SMG6: variants seen among roughly 807,000 people sequenced by gnomAD.
The protein encoded by SMG6 is SMG6 nonsense mediated mRNA decay factor.
In SMG6, 66 loss-of-function variants were observed where a neutral mutation model predicts 142.2. The observed-to-expected ratio is 0.46, with a 90% CI of 0.38 to 0.57. The LOEUF (loss-of-function observed/expected upper bound fraction) is 0.57. Ranked by LOEUF, SMG6 falls within the 20% of genes least tolerant of loss-of-function variation. The pLI, the probability that SMG6 is intolerant of heterozygous loss-of-function variation, is 0.00. For synonymous variants in SMG6, 779 were observed against 702.4 expected, an observed-to-expected ratio of 1.11 and a Z score of -1.72; for missense variants, 1,793 against 1,832.0, an observed-to-expected ratio of 0.98 and a Z score of 0.39.
intron 12 of SMG6, among the ~76,000 whole-genome samples, chr17:2,181,937 G>A (rs1007614507): frequency 1.3e-5 from 2 of 152,242 alleles, no homozygotes; most frequent in Non-Finnish European, 2.9e-5. Context: ...GATGAAGGGA[G>A]ACATGCTGCG....
At chr17:2,095,646 G>A (rs1415328133) in intron 13 of SMG6, among the ~76,000 whole-genome samples, 4 of 152,064 alleles carry the variant, frequency 2.6e-5, no homozygotes, top group African/African-American at 7.2e-5. Flanking sequence ...GCCCCTCCCC[G>A]GCTGCCATGA....
intron 10 of SMG6, among the ~76,000 whole-genome samples, chr17:2,226,596 A>AAACAAACC (rs1055293822): frequency 1.3e-5 from 2 of 149,400 alleles, no homozygotes; most frequent in African/African-American, 2.5e-5. Context: ...ACAAACAAAC[A>AAACAAACC]AACAAAAAAA....
rs139917098 is a variant in SMG6, at chr17:2,142,088, T to C, written c.3357+30570A>G. ...GGATCTCACTATGGCTGGACTCCAATGCCTGGGCTCCAGTGATCCTCCTGT... is the reference window on the plus strand; with the variant it reads ...GGATCTCACTATGGCTGGACTCCAACGCCTGGGCTCCAGTGATCCTCCTGT... On this transcript the variant is annotated intron_variant, in intron 13 of 18. Coordinates refer to ENST00000263073, the MANE Select transcript of SMG6 (RefSeq NM_017575.5). Among the ~76,000 whole-genome samples, 635 of 151,800 alleles carry C rather than the reference T, an allele frequency of 4.2e-3. 4 individuals are homozygous for C. Among genetic ancestry groups the C allele is most frequent in the Non-Finnish European group, 7.3e-3 (493 of 67,894 alleles).
chr17:2,229,969 T>C (rs1159388311), intron 10 of SMG6, among the ~76,000 whole-genome samples: 11 of 151,836 alleles, frequency 7.2e-5, no homozygotes, highest in Admixed American at 7.2e-4. Context: ...GCGGATCACT[T>C]GAGGTCAGGA....
At chr17:2,124,586 T>TA (rs1313375836) in intron 13 of SMG6, among the ~76,000 whole-genome samples, 1 of 152,180 alleles carries the variant, frequency 6.6e-6, no homozygotes, top group African/African-American at 2.4e-5. Context: ...CTGTGTCTCT[T>TA]ACCCTCTAGG....
intron 8 of SMG6, among the ~76,000 whole-genome samples, chr17:2,274,991 A>G (rs1288496569): frequency 7.1e-6 from 1 of 141,060 alleles, no homozygotes; most frequent in African/African-American, 2.8e-5. Flanking sequence ...TGGAATAAGC[A>G]TAAAAAAGCA....
chr17:2,201,636 G>A (rs955471172), intron 10 of SMG6, among the ~76,000 whole-genome samples: 4 of 149,022 alleles, frequency 2.7e-5, no homozygotes, highest in Admixed American at 6.7e-5. Context: ...CCGAGACCAC[G>A]CCACTGCACT....
At chr17:2,193,341 C>T (rs1044185695) in intron 10 of SMG6, among the ~76,000 whole-genome samples, 1 of 152,190 alleles carries the variant, frequency 6.6e-6, no homozygotes, top group African/African-American at 2.4e-5. Context: ...GAAATGCTTC[C>T]TGTACAACCT....
chr17:2,159,218 C>T (rs2071100710), intron 13 of SMG6, among the ~76,000 whole-genome samples: 1 of 152,028 alleles, frequency 6.6e-6, no homozygotes, highest in Non-Finnish European at 1.5e-5. Context: ...GTCAGAAGTT[C>T]GAGACCAGTC....
chr17:2,289,514 G>A (rs2074983863), intron 6 of SMG6, among the ~76,000 whole-genome samples: 1 of 152,116 alleles, frequency 6.6e-6, no homozygotes, highest in Admixed American at 6.6e-5. Flanking sequence ...CTATGATTGT[G>A]TCACTGCACT....
At chr17:2,121,294 A>C (rs117334005) in intron 13 of SMG6, among the ~76,000 whole-genome samples, 2,154 of 152,310 alleles carry the variant, frequency 0.014, 29 homozygotes, top group Non-Finnish European at 0.021. Context: ...ATAAAATGGA[A>C]TACTACTCAG....
intron 8 of SMG6, among the ~76,000 whole-genome samples, chr17:2,270,824 T>C (rs1455077292): frequency 1.3e-5 from 2 of 152,230 alleles, no homozygotes; most frequent in East Asian, 3.8e-4. Flanking sequence ...TGTCACTAGT[T>C]CAAGATGCTT....
At chr17:2,080,000 G>A (rs894478335) in intron 15 of SMG6, among the ~76,000 whole-genome samples, 1 of 152,000 alleles carries the variant, frequency 6.6e-6, no homozygotes, top group African/African-American at 2.4e-5. Context: ...GTTTCAACCC[G>A]GGAGGCAGAG....
At chr17:2,286,323 A>C (rs1408929313) in intron 6 of SMG6, among the ~76,000 whole-genome samples, 3 of 151,874 alleles carry the variant, frequency 2.0e-5, no homozygotes, top group African/African-American at 4.8e-5. Flanking sequence ...AAAAAAAAAA[A>C]AACGAAGTTA....
Position 2,256,354 on chromosome 17 carries a change from T to C in SMG6, c.2662-11635A>G, listed in dbSNP as rs1188166752. ...CACAGAGGGAGGGAAGATGTGAAGA[T>C]TGTCATTCCACACTTGGACAATCAT... On this transcript the variant is annotated intron_variant, in intron 8 of 18. Transcript: ENST00000263073. Among the ~76,000 whole-genome samples the C allele has an allele frequency of 3.9e-5, 6 of 151,992 alleles. No individual in the cohort carries two copies. The East Asian group carries it at 5.8e-4, about 15-fold the overall frequency.
chr17:2,100,031 T>A (rs1244994036), intron 13 of SMG6, among the ~76,000 whole-genome samples: 1 of 144,282 alleles, frequency 6.9e-6, no homozygotes, highest in African/African-American at 2.8e-5. Context: ...CCCAGGTAAT[T>A]TTTATCTTTT....
At chr17:2,241,397 C>T (rs76122702) in intron 9 of SMG6, among the ~76,000 whole-genome samples, 63 of 152,266 alleles carry the variant, frequency 4.1e-4, no homozygotes, top group Non-Finnish European at 7.8e-4. Context: ...TACTGTCATC[C>T]CATAAAAATC....
At chr17:2,087,006 C>T (rs975064859) in intron 13 of SMG6, 10 of 1,288,862 alleles carry the variant, frequency 7.8e-6, no homozygotes, top group East Asian at 5.6e-5. Context: ...AATGCATCCT[C>T]GTTTCTTAGT....
chr17:2,161,200 T>C (rs1208381385), intron 13 of SMG6, among the ~76,000 whole-genome samples: 4 of 150,780 alleles, frequency 2.7e-5, no homozygotes, highest in African/African-American at 7.3e-5. Flanking sequence ...CTCTGCCTCC[T>C]GGGTTCAAGC....
Sources: gnomAD v4.1 joint callset for allele counts (sites outside exome capture counted in the v4.1 genomes callset) on GRCh38, gnomAD v4.1.1 for gene constraint, MANE v1.5 for transcripts, NCBI Gene and HGNC (gene_info 2026-07-23, HGNC 2026-07-21) for gene names.